The following SNTB1 variants were observed in gnomAD, a reference collection of about 807,000 sequenced individuals.
SNTB1 encodes the protein syntrophin beta 1, also known as beta-1-syntrophin.
Under a neutral mutation model 48.9 loss-of-function variants are expected in SNTB1, and 36 were observed. That is an observed-to-expected ratio of 0.74 (90% CI 0.56 to 0.97). The LOEUF is 0.97. Among genes scored for constraint, SNTB1 ranks in the 50% least tolerant of loss-of-function variants. The pLI is 0.00. For missense variants in SNTB1, 786 were observed against 703.4 expected, an observed-to-expected ratio of 1.12 and a Z score of -1.33; for synonymous variants, 299 against 294.6, an observed-to-expected ratio of 1.01 and a Z score of -0.15.
chr8:120,571,941 TG>T lies in SNTB1; in HGVS notation c.1136+3144del, dbSNP rs772218927. 1.6e-4 allele frequency among the ~76,000 whole-genome samples: 24 copies of T among 152,126 alleles called. 1 individual carries two copies. Among genetic ancestry groups the T allele is most frequent in the South Asian group, 1.2e-3 (6 of 4,822 alleles). The stretch of plus-strand genomic sequence containing the variant: ...TGATCTAGGCCTGGTTCCTCACCCC[TG>T]AAAACCTCCTCTATTCACCTCTGGA... On this transcript the variant is annotated intron_variant, in intron 4 of 6. Transcript: ENST00000517992.
chr8:120,668,797 C>T (rs1480942811), intron 2 of SNTB1, among the ~76,000 whole-genome samples: 1 of 152,220 alleles, frequency 6.6e-6, no homozygotes, highest in East Asian at 1.9e-4. Context: ...AATGATTTTA[C>T]TAATTCTAAT....
chr8:120,775,062 G>A (rs546988183), intron 1 of SNTB1, among the ~76,000 whole-genome samples: 19 of 152,236 alleles, frequency 1.2e-4, no homozygotes, highest in Admixed American at 5.9e-4. Context: ...GAGACTTCAG[G>A]GAAAATATGG....
chr8:120,733,696 T>C (rs1818891129), intron 1 of SNTB1, among the ~76,000 whole-genome samples: 1 of 152,220 alleles, frequency 6.6e-6, no homozygotes, highest in Non-Finnish European at 1.5e-5. Flanking sequence ...GGGTTTTCAT[T>C]GATAAGACTC....
intron 2 of SNTB1, among the ~76,000 whole-genome samples, chr8:120,665,754 T>C (rs1320306884): frequency 6.6e-6 from 1 of 152,226 alleles, no homozygotes; most frequent in Non-Finnish European, 1.5e-5. Flanking sequence ...CAGTGTAATA[T>C]AAAGATTGAA....
intron 5 of SNTB1, among the ~76,000 whole-genome samples, chr8:120,545,417 C>T (rs969326644): frequency 1.4e-4 from 21 of 152,242 alleles, no homozygotes; most frequent in African/African-American, 4.3e-4. Context: ...AGAGTGTTCC[C>T]ATGGGCCAGC....
intron 4 of SNTB1, among the ~76,000 whole-genome samples, chr8:120,549,900 A>G (rs889021114): frequency 2.6e-5 from 4 of 152,174 alleles, no homozygotes; most frequent in Non-Finnish European, 5.9e-5. Flanking sequence ...TTATCTTTTA[A>G]TCCAGAAAGC....
intron 1 of SNTB1, among the ~76,000 whole-genome samples, chr8:120,702,268 G>C (rs1170650218): frequency 6.6e-6 from 1 of 152,186 alleles, no homozygotes. Flanking sequence ...TGCTCAGAAA[G>C]TGACATGCAC....
intron 4 of SNTB1, among the ~76,000 whole-genome samples, chr8:120,561,811 C>A (rs1257099180): frequency 1.3e-5 from 2 of 152,166 alleles, no homozygotes; most frequent in African/African-American, 4.8e-5. Context: ...TCCAGATATT[C>A]TCCTACCATC....
chr8:120,810,197 C>A (rs1227738309), intron 1 of SNTB1, among the ~76,000 whole-genome samples: 1 of 152,190 alleles, frequency 6.6e-6, no homozygotes, highest in Non-Finnish European at 1.5e-5. Context: ...CAATCTACAG[C>A]TAGGCTAGGC....
At chr8:120,589,044 T>A (rs1005238341) in intron 3 of SNTB1, among the ~76,000 whole-genome samples, 13 of 152,152 alleles carry the variant, frequency 8.5e-5, no homozygotes, top group African/African-American at 3.1e-4. Flanking sequence ...TATCACTGGG[T>A]ATTTGCTATA....
intron 5 of SNTB1, among the ~76,000 whole-genome samples, chr8:120,543,806 A>G (rs1399577842): frequency 6.6e-6 from 1 of 152,158 alleles, no homozygotes; most frequent in Admixed American, 6.5e-5. Flanking sequence ...TCGACTTGTA[A>G]CTAGGGCTGA....
intron 3 of SNTB1, among the ~76,000 whole-genome samples, chr8:120,591,046 GC>G (rs756208769): frequency 3.0e-4 from 45 of 152,068 alleles, no homozygotes; most frequent in Non-Finnish European, 3.7e-4. Context: ...TACCTGCAAG[GC>G]ATTAACATTT....
intron 4 of SNTB1, 146 bp from the exon 5 acceptor site, chr8:120,549,104 C>T: frequency 1.6e-6 from 1 of 612,714 alleles, no homozygotes; most frequent in Non-Finnish European, 2.7e-6. Flanking sequence ...GCTCTTCTGC[C>T]ATCTCCTCTC....
chr8:120,642,934 C>G (rs1044147235), intron 2 of SNTB1, among the ~76,000 whole-genome samples: 3 of 152,094 alleles, frequency 2.0e-5, no homozygotes, highest in Non-Finnish European at 2.9e-5. Context: ...CAAAACAAAA[C>G]AAAATTCCAA....
At chr8:120,669,381 A>C (rs1817722846) in intron 2 of SNTB1, among the ~76,000 whole-genome samples, 1 of 152,210 alleles carries the variant, frequency 6.6e-6, no homozygotes, top group South Asian at 2.1e-4. Flanking sequence ...AAGGACATTC[A>C]ACTAAAGGAT....
chr8:120,654,301 G>A (rs1208568847), intron 2 of SNTB1, among the ~76,000 whole-genome samples: 2 of 152,056 alleles, frequency 1.3e-5, no homozygotes, highest in Non-Finnish European at 2.9e-5. Context: ...GGAAAAAAGA[G>A]GGAGGGAGGG....
chr8:120,690,683 C>T (rs1254458945), intron 2 of SNTB1, among the ~76,000 whole-genome samples: 1 of 152,196 alleles, frequency 6.6e-6, no homozygotes, highest in African/African-American at 2.4e-5. Flanking sequence ...TATCTTTCAC[C>T]TTTTAAAATC....
chr8:120,723,303 T>C (rs187356303), intron 1 of SNTB1, among the ~76,000 whole-genome samples: 2 of 152,318 alleles, frequency 1.3e-5, no homozygotes, highest in African/African-American at 2.4e-5. Context: ...ATATTATATA[T>C]ATATTGCATA....
intron 4 of SNTB1, among the ~76,000 whole-genome samples, chr8:120,554,655 T>G (rs1201583541): frequency 2.0e-5 from 3 of 152,184 alleles, no homozygotes; most frequent in African/African-American, 4.8e-5. Flanking sequence ...AGAAACACAT[T>G]TATTTCATTG....
Sources: gnomAD v4.1 joint callset for allele counts (sites outside exome capture counted in the v4.1 genomes callset) on GRCh38, gnomAD v4.1.1 for gene constraint, MANE v1.5 for transcripts, NCBI Gene and HGNC (gene_info 2026-07-23, HGNC 2026-07-21) for gene names.